The following UNC5C variants were observed in gnomAD, a reference collection of about 807,000 sequenced individuals.
The protein encoded by UNC5C is netrin receptor UNC5C.
Under a neutral mutation model 99.8 loss-of-function variants are expected in UNC5C, and 47 were observed. The observed-to-expected ratio is 0.47, with a 90% CI of 0.37 to 0.60. UNC5C has a LOEUF of 0.60. UNC5C is among the 20% of genes least tolerant of loss of function. The pLI, the probability that UNC5C is intolerant of heterozygous loss-of-function variation, is 0.00. For synonymous variants in UNC5C, 487 were observed against 452.2 expected, an observed-to-expected ratio of 1.08 and a Z score of -0.98; for missense variants, 1,062 against 1,165.9, an observed-to-expected ratio of 0.91 and a Z score of 1.30.
intron 1 of UNC5C, among the ~76,000 whole-genome samples, chr4:95,488,756 C>A (rs1221501718): frequency 7.2e-5 from 11 of 151,774 alleles, no homozygotes; most frequent in African/African-American, 2.4e-4. Flanking sequence ...GAGAATAGTT[C>A]TATTCGCAGC....
At chr4:95,316,131 C>T (rs1289815380) in intron 2 of UNC5C, among the ~76,000 whole-genome samples, 1 of 152,020 alleles carries the variant, frequency 6.6e-6, no homozygotes, top group Non-Finnish European at 1.5e-5. Context: ...CATTTTTACT[C>T]TCAGAATCCT....
At chr4:95,375,435 A>G (rs1413391685) in intron 1 of UNC5C, among the ~76,000 whole-genome samples, 1 of 152,236 alleles carries the variant, frequency 6.6e-6, no homozygotes, top group Non-Finnish European at 1.5e-5. Context: ...GAAATACGTC[A>G]GTATTCCTTT....
chr4:95,518,666 T>A (rs1722275458), intron 1 of UNC5C, among the ~76,000 whole-genome samples: 1 of 152,202 alleles, frequency 6.6e-6, no homozygotes, highest in South Asian at 2.1e-4. Flanking sequence ...TTTTCAGGCA[T>A]TTATCTTTAA....
intron 1 of UNC5C, among the ~76,000 whole-genome samples, chr4:95,339,535 T>A (rs967534296): frequency 3.3e-5 from 5 of 150,838 alleles, no homozygotes; most frequent in Non-Finnish European, 7.4e-5. Flanking sequence ...AAAAATTGAT[T>A]TTTTTTTCTT....
At chr4:95,198,105 A>G (rs1306054582) in intron 12 of UNC5C, among the ~76,000 whole-genome samples, 2 of 150,544 alleles carry the variant, frequency 1.3e-5, no homozygotes, top group Admixed American at 6.7e-5. Context: ...CTCCCACCTC[A>G]GCCTCCTCAG....
chr4:95,353,605 G>C lies in UNC5C; in HGVS notation c.125-17974C>G, dbSNP rs573214760. 9.2e-5 allele frequency among the ~76,000 whole-genome samples: 14 copies of C among 151,876 alleles called. No homozygotes were observed. The South Asian group carries it at 2.9e-3, about 32-fold the overall frequency. On this transcript the variant is annotated intron_variant, in intron 1 of 15. Transcript: ENST00000453304. ...AGTGTTAGGCTAAGATAGTGAAGGA[G>C]ACTAACATCACCAAACTGAAAACAA...
chr4:95,239,066 C>G (rs1397272916), intron 7 of UNC5C, among the ~76,000 whole-genome samples: 1 of 152,274 alleles, frequency 6.6e-6, no homozygotes, highest in East Asian at 1.9e-4. Flanking sequence ...TGCTGACTCT[C>G]CCTTACAGTG....
At chr4:95,480,513 T>C (rs1315339785) in intron 1 of UNC5C, among the ~76,000 whole-genome samples, 1 of 151,844 alleles carries the variant, frequency 6.6e-6, no homozygotes, top group African/African-American at 2.4e-5. Context: ...TTTTCTACCA[T>C]TATACACAGC....
intron 1 of UNC5C, among the ~76,000 whole-genome samples, chr4:95,483,819 A>T (rs1172097647): frequency 6.6e-6 from 1 of 151,830 alleles, no homozygotes; most frequent in Non-Finnish European, 1.5e-5. Flanking sequence ...TGGCCTCAAG[A>T]AACAAGGGAA....
intron 8 of UNC5C, 126 bp from the exon 9 acceptor site, chr4:95,219,439 G>GGCTCTACTGAAA: frequency 2.3e-6 from 2 of 865,152 alleles, no homozygotes; most frequent in Non-Finnish European, 3.6e-6. Flanking sequence ...GAGATAGATA[G>GGCTCTACTGAAA]ACAGGCTCTA....
intron 10 of UNC5C, among the ~76,000 whole-genome samples, chr4:95,213,959 G>T (rs1441932844): frequency 6.6e-6 from 1 of 152,170 alleles, no homozygotes; most frequent in Non-Finnish European, 1.5e-5. Context: ...AAAAGCCTGA[G>T]TCTGAATTCT....
chr4:95,363,659 A>G (rs1286384904), intron 1 of UNC5C, among the ~76,000 whole-genome samples: 2 of 152,180 alleles, frequency 1.3e-5, no homozygotes, highest in African/African-American at 4.8e-5. Context: ...AACAGTGCCA[A>G]GTTAGTTCAT....
chr4:95,338,417 T>G (rs2149422482), intron 1 of UNC5C, among the ~76,000 whole-genome samples: 1 of 152,180 alleles, frequency 6.6e-6, no homozygotes, highest in South Asian at 2.1e-4. Flanking sequence ...AACTTTAATT[T>G]AAACATCCAG....
intron 1 of UNC5C, among the ~76,000 whole-genome samples, chr4:95,435,534 G>A (rs1290478175): frequency 6.6e-6 from 1 of 152,020 alleles, no homozygotes; most frequent in African/African-American, 2.4e-5. Flanking sequence ...AACAATGTGT[G>A]ACTATAGAAA....
At chr4:95,526,723 C>T (rs1722506248) in intron 1 of UNC5C, among the ~76,000 whole-genome samples, 1 of 151,682 alleles carries the variant, frequency 6.6e-6, no homozygotes, top group South Asian at 2.1e-4. Flanking sequence ...AATATGGGGC[C>T]TAAATGGTCT....
intron 1 of UNC5C, among the ~76,000 whole-genome samples, chr4:95,480,947 A>C (rs1483303421): frequency 6.6e-6 from 1 of 151,274 alleles, no homozygotes; most frequent in Admixed American, 6.6e-5. Flanking sequence ...GAAAACTGGC[A>C]CAAGACAGGG....
intron 4 of UNC5C, among the ~76,000 whole-genome samples, chr4:95,255,693 C>G (rs564755473): frequency 7.2e-5 from 11 of 152,256 alleles, no homozygotes; most frequent in African/African-American, 2.6e-4. Context: ...TCTCTTCTTT[C>G]TCTCCTAAAT....
intron 1 of UNC5C, among the ~76,000 whole-genome samples, chr4:95,547,391 C>A (rs1301994758): frequency 6.6e-6 from 1 of 152,146 alleles, no homozygotes; most frequent in Non-Finnish European, 1.5e-5. Context: ...TCCAACACCC[C>A]CATCCCCACC....
rs754442812 is a variant in UNC5C at position 95,170,250 on chromosome 4, G to A, written c.2534C>T (p.Pro845Leu). The A allele has an allele frequency of 6.2e-7, 1 of 1,614,150 alleles. No individual in the cohort carries two copies. Among genetic ancestry groups the A allele is most frequent in the East Asian group, 2.2e-5 (1 of 44,864 alleles). ...TVTGPSAFSI[P>L]LPIRQKLCSS... ...ACAGAGCTTCTGCCGGATAGGGAGA[G>A]GGATGCTGAAAGCACTGGGCCCCGT... The change falls in exon 15 of 16, where the codon CCT (proline) becomes CTT (leucine). Residue 845 changes from proline to leucine, a missense_variant. Physicochemically the swap from Pro to Leu is moderately conservative, Grantham distance 98. This residue lies in a region of UNC5C where 810 missense variants were observed against 854.5 expected (regional missense o/e 0.95). Transcript: ENST00000453304.
Sources: gnomAD v4.1 joint callset for allele counts (sites outside exome capture counted in the v4.1 genomes callset) on GRCh38, gnomAD v4.1.1 for gene constraint, gnomAD v4.1.1 regional missense constraint, MANE v1.5 for transcripts, NCBI Gene and HGNC (gene_info 2026-07-23, HGNC 2026-07-21) for gene names.